The following CEP83 variants were observed in gnomAD, a reference collection of about 807,000 sequenced individuals.
The protein encoded by CEP83 is centrosomal protein of 83 kDa.
In CEP83, 70 loss-of-function variants were observed where a neutral mutation model predicts 101.9. The observed-to-expected ratio is 0.69, with a 90% CI of 0.57 to 0.84. CEP83 has a LOEUF of 0.84. Ranked by LOEUF, CEP83 falls within the 40% of genes least tolerant of loss-of-function variation. The pLI, the probability that CEP83 is intolerant of heterozygous loss-of-function variation, is 0.00. For missense variants in CEP83, 715 were observed against 787.2 expected (o/e 0.91, Z 1.10); for synonymous variants, 264 against 267.9 (o/e 0.99, Z 0.14).
intron 1 of CEP83, among the ~76,000 whole-genome samples, chr12:94,441,717 C>T (rs986814263): frequency 3.9e-5 from 6 of 152,016 alleles, no homozygotes; most frequent in African/African-American, 1.4e-4. Context: ...AGATCAAGAC[C>T]ATCTTGACTA....
At position 94,333,550 on chromosome 12, in the gene CEP83, C is replaced by T; in HGVS notation, c.1509G>A (p.Val503=). 6.2e-7 allele frequency: 1 copy of T among 1,613,798 alleles called. No homozygotes were observed. Among genetic ancestry groups the T allele is most frequent in the Non-Finnish European group, 8.5e-7 (1 of 1,179,836 alleles). The change falls in exon 13 of 17, where the codon GTG becomes GTA. Residue 503 remains valine (V), a synonymous_variant. Transcript: ENST00000397809. ...TTCGGCATTCTTGTTTTAATCTCTC[C>T]ACCATTTCCTTCAGCATTTGGTTTG... ...LNSNQMLKEM[V]ERLKQECRNF... is the part of the protein sequence containing the mutation.
chr12:94,296,730 T>G, the CEP83 span, among the ~76,000 whole-genome samples: 1 of 152,254 alleles, frequency 6.6e-6, no homozygotes, highest in Non-Finnish European at 1.5e-5. Context: ...TGGTCTCTTG[T>G]TAATTCTTTA....
chr12:94,295,908 C>T, the CEP83 span, among the ~76,000 whole-genome samples: 2 of 152,194 alleles, frequency 1.3e-5, no homozygotes, highest in African/African-American at 4.8e-5. Context: ...GCACTCTTTA[C>T]AGAGAAAACT....
intron 15 of CEP83, chr12:94,312,463 TC>T (rs1335571338): frequency 6.9e-6 from 3 of 434,358 alleles, no homozygotes; most frequent in African/African-American, 6.4e-5. Context: ...ATGACAAATC[TC>T]TGCTTTAAAA....
chr12:94,300,005 G>A, the CEP83 span, among the ~76,000 whole-genome samples: 648 of 152,276 alleles, frequency 4.3e-3, 2 homozygotes, highest in Middle Eastern at 0.014. Flanking sequence ...CAGCATATGG[G>A]GGAGGTAATG....
chr12:94,278,034 A>T, the CEP83 span: 10,794 of 454,680 alleles, frequency 0.024, 181 homozygotes, highest in East Asian at 0.06. Context: ...GTACTTGGGG[A>T]CCTCCTCTTT....
intron 1 of CEP83, among the ~76,000 whole-genome samples, chr12:94,452,263 C>T (rs916588373): frequency 7.9e-5 from 12 of 152,090 alleles, no homozygotes; most frequent in Non-Finnish European, 1.0e-4. Flanking sequence ...CTTGTGATGA[C>T]AGTCGCACAA....
chr12:94,388,291 G>A (rs2062282182), intron 6 of CEP83, among the ~76,000 whole-genome samples: 1 of 152,210 alleles, frequency 6.6e-6, no homozygotes, highest in South Asian at 2.1e-4. Context: ...CACAGATACA[G>A]CTGGAGACTA....
the CEP83 span, among the ~76,000 whole-genome samples, chr12:94,276,221 G>C: frequency 6.6e-6 from 1 of 152,096 alleles, no homozygotes; most frequent in South Asian, 2.1e-4. Flanking sequence ...CGATTAAAAG[G>C]TGCCTCCCAT....
intron 1 of CEP83, among the ~76,000 whole-genome samples, chr12:94,437,021 C>T (rs947123193): frequency 4.6e-5 from 7 of 151,870 alleles, no homozygotes; most frequent in Non-Finnish European, 1.0e-4. Flanking sequence ...GAAAACTTCC[C>T]CGGTTTTGAT....
At chr12:94,446,534 C>T (rs1294935822) in intron 1 of CEP83, among the ~76,000 whole-genome samples, 1 of 151,904 alleles carries the variant, frequency 6.6e-6, no homozygotes, top group African/African-American at 2.4e-5. Context: ...AGGGTGAAAC[C>T]CCATCTCTAC....
At chr12:94,300,801 G>A in the CEP83 span, 2 of 971,266 alleles carry the variant, frequency 2.1e-6, no homozygotes, top group Non-Finnish European at 3.0e-6. Context: ...AAGCAGAGTT[G>A]TATACTTCAA....
chr12:94,399,040 A>G (rs1054616976), intron 6 of CEP83, among the ~76,000 whole-genome samples: 6 of 152,218 alleles, frequency 3.9e-5, no homozygotes, highest in Non-Finnish European at 8.8e-5. Context: ...CACTGAACAT[A>G]GAGCCTTATC....
chr12:94,342,068 CA>C (rs1360698899), intron 11 of CEP83, among the ~76,000 whole-genome samples: 10 of 152,152 alleles, frequency 6.6e-5, no homozygotes, highest in Admixed American at 2.0e-4. Flanking sequence ...AAAGGACAGA[CA>C]AGATTGGTTC....
chr12:94,363,112 A>G (rs2060853444), intron 11 of CEP83, among the ~76,000 whole-genome samples: 2 of 152,274 alleles, frequency 1.3e-5, no homozygotes, highest in African/African-American at 4.8e-5. Context: ...GGTGTTCTAC[A>G]GCACTACAGA....
the CEP83 span, chr12:94,281,894 G>C: frequency 5.1e-6 from 1 of 197,454 alleles, no homozygotes; most frequent in Non-Finnish European, 1.1e-5. Context: ...TGGGACCTTC[G>C]CACACTGATG....
chr12:94,434,700 T>C (rs2065871944), intron 2 of CEP83, among the ~76,000 whole-genome samples: 1 of 152,256 alleles, frequency 6.6e-6, no homozygotes, highest in Non-Finnish European at 1.5e-5. Context: ...TATTTGCATG[T>C]ACATAATGAG....
the CEP83 span, chr12:94,297,082 G>GTAAC: frequency 9.4e-7 from 1 of 1,060,004 alleles, no homozygotes; most frequent in Non-Finnish European, 1.4e-6. Context: ...AAAAGCTCAA[G>GTAAC]TAACTTCAGT....
chr12:94,315,858 T>C (rs536297468), intron 14 of CEP83, among the ~76,000 whole-genome samples: 1 of 152,268 alleles, frequency 6.6e-6, no homozygotes, highest in South Asian at 2.1e-4. Flanking sequence ...TCTATACTGT[T>C]CCATTTGCCT....
Sources: gnomAD v4.1 joint callset for allele counts (sites outside exome capture counted in the v4.1 genomes callset) on GRCh38, gnomAD v4.1.1 for gene constraint, MANE v1.5 for transcripts, NCBI Gene and HGNC (gene_info 2026-07-23, HGNC 2026-07-21) for gene names.